EIF4E2: variants seen among roughly 807,000 people sequenced by gnomAD.
The protein encoded by EIF4E2 is eukaryotic translation initiation factor 4E type 2.
Under a neutral mutation model 34.2 loss-of-function variants are expected in EIF4E2, and 13 were observed. The observed-to-expected ratio is 0.38, with a 90% CI of 0.25 to 0.60. The LOEUF is 0.60. EIF4E2 is among the 20% of genes least tolerant of loss of function. EIF4E2 has a pLI of 0.62. For missense variants in EIF4E2, 222 were observed against 315.1 expected, an observed-to-expected ratio of 0.70 and a Z score of 2.24; for synonymous variants, 100 against 106.6, an observed-to-expected ratio of 0.94 and a Z score of 0.38.
chr2:232,554,798 G>A (rs888954066), intron 1 of EIF4E2, among the ~76,000 whole-genome samples: 3 of 152,106 alleles, frequency 2.0e-5, no homozygotes, highest in Non-Finnish European at 4.4e-5. Context: ...TTCTCTCAGG[G>A]CTTTTCTTGC....
chr2:232,557,913 C>T lies in EIF4E2; in HGVS notation c.165C>T (p.Pro55=). The change falls in exon 3 of 7, where the codon CCC becomes CCT. Residue 55 remains proline (P), a synonymous_variant. Coordinates refer to ENST00000258416, the MANE Select transcript of EIF4E2 (RefSeq NM_004846.4). ...KAVVPGPAEH[P]LQYNYTFWYS... is the part of the protein sequence containing the mutation. ...TTGTCCCTGGACCGGCAGAGCATCC[C>T]CTGCAGTACAACTACACTTTTTGGT... 1 of 1,613,892 alleles carries T rather than the reference C, an allele frequency of 6.2e-7. No homozygotes were observed. The highest frequency in any genetic ancestry group is 8.5e-7 in the Non-Finnish European group (1 of 1,179,956).
chr2:232,565,077 G>T (rs1003472602), intron 4 of EIF4E2, among the ~76,000 whole-genome samples: 1 of 152,190 alleles, frequency 6.6e-6, no homozygotes, highest in African/African-American at 2.4e-5. Flanking sequence ...GCTGCGCCCT[G>T]GTGTAGTGCA....
chr2:232,563,413 G>A (rs1692794705), intron 3 of EIF4E2, among the ~76,000 whole-genome samples: 1 of 151,942 alleles, frequency 6.6e-6, no homozygotes, highest in African/African-American at 2.4e-5. Flanking sequence ...TAAGGGGAGG[G>A]GGGGTGACAC....
rs1049819747 is a variant in EIF4E2, at chr2:232,566,498, G to T, written c.376-331G>T. ...AGCCACTGCGCCCAGCAGACATTCAGTACTTTTAGCAAGTAAACGGATGAT... is the reference window on the plus strand; with the variant it reads ...AGCCACTGCGCCCAGCAGACATTCATTACTTTTAGCAAGTAAACGGATGAT... On this transcript the variant is annotated intron_variant, in intron 4 of 6. Coordinates refer to ENST00000258416, the MANE Select transcript of EIF4E2 (RefSeq NM_004846.4). The surrounding 1 kb of genome is among the most constrained non-coding windows in gnomAD (Gnocchi z 4.9). Among the ~76,000 whole-genome samples, 4 of 152,238 alleles carry T rather than the reference G, an allele frequency of 2.6e-5. No individual in the cohort carries two copies. Among genetic ancestry groups the T allele is most frequent in the Admixed American group, 2.0e-4 (3 of 15,292 alleles).
At chr2:232,561,376 T>A (rs1692719628) in intron 3 of EIF4E2, among the ~76,000 whole-genome samples, 1 of 152,210 alleles carries the variant, frequency 6.6e-6, no homozygotes, top group African/African-American at 2.4e-5. Flanking sequence ...AGGAGGGTTT[T>A]TCTTTTGTTT....
chr2:232,564,030 G>A (rs1729253), intron 3 of EIF4E2, among the ~76,000 whole-genome samples: 1 of 152,008 alleles, frequency 6.6e-6, no homozygotes, highest in African/African-American at 2.4e-5. Context: ...CTTGAATTGC[G>A]AATGTTACAT....
chr2:232,562,147 C>T (rs2697780), intron 3 of EIF4E2, among the ~76,000 whole-genome samples: 46,407 of 151,224 alleles, frequency 0.31, 7,628 homozygotes, highest in Admixed American at 0.41. Flanking sequence ...CCTGGGAAGT[C>T]GAGGCTGCAG....
At chr2:232,555,857 A>G (rs1692499328) in intron 1 of EIF4E2, among the ~76,000 whole-genome samples, 1 of 152,374 alleles carries the variant, frequency 6.6e-6, no homozygotes, top group Admixed American at 6.5e-5. Flanking sequence ...AGTTTAAAGC[A>G]TGCAAGTTAA....
chr2:232,563,393 T>TC (rs398091159), intron 3 of EIF4E2, among the ~76,000 whole-genome samples: 4 of 151,312 alleles, frequency 2.6e-5, no homozygotes, highest in African/African-American at 9.7e-5. Context: ...CTTTTTTTTT[T>TC]CTTTTTTTTT....
chr2:232,579,015 C>T (rs146621329), intron 6 of EIF4E2, among the ~76,000 whole-genome samples: 157 of 152,250 alleles, frequency 1.0e-3, no homozygotes, highest in African/African-American at 3.7e-3. Context: ...ACAGAGCCAT[C>T]TGTTCCTGTG....
At chr2:232,552,182 T>C (rs1452683341) in intron 1 of EIF4E2, among the ~76,000 whole-genome samples, 1 of 152,170 alleles carries the variant, frequency 6.6e-6, no homozygotes, top group East Asian at 1.9e-4. Flanking sequence ...AATAATGGAC[T>C]TCCACAGGGA....
In EIF4E2 at chr2:232,581,012, A is replaced by G. The variant is rs1693344706; in HGVS notation, c.*69A>G. 6.8e-7 allele frequency: 1 copy of G among 1,463,808 alleles called. No homozygotes were observed. Among genetic ancestry groups the G allele is most frequent in the East Asian group, 2.5e-5 (1 of 40,520 alleles). 90.7% of individuals were successfully genotyped at this position (1,463,808 alleles called of 1,614,324 possible). A position where few individuals can be genotyped will look rare whatever the true frequency, so the allele number is the denominator to read the frequency against. Reference sequence around the variant, plus strand: ...TGTCCGAAATGGATGGGAGGCCTCCAGCCAGTCCTTCCATTGCTCACTGAA... The same window carrying G: ...TGTCCGAAATGGATGGGAGGCCTCCGGCCAGTCCTTCCATTGCTCACTGAA... On this transcript the variant is annotated 3_prime_UTR_variant, in exon 7 of 7. Coordinates refer to the EIF4E2 transcript ENST00000409098. This position sits in a 1 kb window ranked among gnomAD's most constrained non-coding sequence, Gnocchi z 5.2.
chr2:232,561,258 A>C (rs77586857), intron 3 of EIF4E2, among the ~76,000 whole-genome samples: 1,959 of 152,130 alleles, frequency 0.013, 53 homozygotes, highest in African/African-American at 0.044. Context: ...ACATAGTGAG[A>C]TCTTATCTCA....
intron 6 of EIF4E2, among the ~76,000 whole-genome samples, chr2:232,577,846 A>C (rs903306291): frequency 1.3e-5 from 2 of 152,230 alleles, no homozygotes; most frequent in African/African-American, 2.4e-5. Flanking sequence ...GCTAGCTTTC[A>C]GGAACTCACT....
At chr2:232,569,217 C>G, downstream of EIF4E2, 1 of 1,416,664 alleles carries the variant, frequency 7.1e-7, no homozygotes, top group South Asian at 1.6e-5. Context: ...ACTAGCTTGT[C>G]TCATGCTCTT....
At chr2:232,571,956 G>A (rs1264916204), downstream of EIF4E2, among the ~76,000 whole-genome samples, 4 of 152,222 alleles carry the variant, frequency 2.6e-5, no homozygotes, top group Admixed American at 6.5e-5. Context: ...TTGGGTAGAG[G>A]TAGGGGGAAG....
chr2:232,561,241 C>T (rs1692713048), intron 3 of EIF4E2, among the ~76,000 whole-genome samples: 2 of 152,066 alleles, frequency 1.3e-5, no homozygotes. Flanking sequence ...CAAAACCAGC[C>T]TGGGCAACAT....
At chr2:232,564,641 C>T (rs1164166214) in intron 4 of EIF4E2, among the ~76,000 whole-genome samples, 6 of 152,252 alleles carry the variant, frequency 3.9e-5, no homozygotes, top group African/African-American at 1.2e-4. Context: ...TTAGTAGAGA[C>T]GGAGTTTCAC....
intron 6 of EIF4E2, among the ~76,000 whole-genome samples, chr2:232,576,490 G>A (rs894377364): frequency 1.4e-5 from 2 of 142,238 alleles, no homozygotes; most frequent in African/African-American, 5.0e-5. Flanking sequence ...TGGTCTCTTT[G>A]TGGCCCCCGT....
Sources: allele counts gnomAD v4.1 joint callset (sites outside exome capture counted in the v4.1 genomes callset), GRCh38; gene constraint gnomAD v4.1.1; non-coding constraint Gnocchi (gnomAD v3.1); transcripts MANE v1.5; gene names NCBI Gene and HGNC (gene_info 2026-07-23, HGNC 2026-07-21).